Variants in SPECC1 observed in about 807,000 individuals in gnomAD.
SPECC1 encodes sperm antigen with calponin homology and coiled-coil domains 1, also known as cytospin-B.
A neutral mutation model predicts 104.1 loss-of-function variants in SPECC1; 62 were observed. The observed-to-expected ratio is 0.60, with a 90% CI of 0.49 to 0.74. The LOEUF (loss-of-function observed/expected upper bound fraction) is 0.74. Ranked by LOEUF, SPECC1 falls within the 30% of genes least tolerant of loss-of-function variation. The pLI is 0.00. For missense variants in SPECC1, 1,306 were observed against 1,310.5 expected, an observed-to-expected ratio of 1.00 and a Z score of 0.05; for synonymous variants, 513 against 501.6, an observed-to-expected ratio of 1.02 and a Z score of -0.30.
At chr17:20,176,534 A>G (rs1399152414) in intron 3 of SPECC1, among the ~76,000 whole-genome samples, 1 of 152,180 alleles carries the variant, frequency 6.6e-6, no homozygotes, top group Non-Finnish European at 1.5e-5. Flanking sequence ...TTCAAAAACA[A>G]TGCAGAATTA....
chr17:20,038,558 C>G (rs1222359497), intron 1 of SPECC1, among the ~76,000 whole-genome samples: 1 of 152,014 alleles, frequency 6.6e-6, no homozygotes, highest in Non-Finnish European at 1.5e-5. Flanking sequence ...CGCCACTGCG[C>G]TTGGCTACTT....
intron 3 of SPECC1, among the ~76,000 whole-genome samples, chr17:20,143,650 A>G (rs532639000): frequency 2.1e-4 from 32 of 152,136 alleles, no homozygotes; most frequent in African/African-American, 7.2e-4. Flanking sequence ...CCTGTGCAAC[A>G]GAGGTAAGAC....
Position 20,241,540 on chromosome 17 carries a change from T to G in SPECC1, c.2352-4386T>G, listed in dbSNP as rs1009724519. ...AGGGAAAGCCCTTGGTATTGTATTT[T>G]CATTCCCCCGACCGTGTACTCTCTA... On this transcript the variant is annotated intron_variant, in intron 7 of 14. Transcript: ENST00000395527. Among the ~76,000 whole-genome samples the G allele has an allele frequency of 1.2e-4, 19 of 152,162 alleles. 1 individual carries two copies. Among genetic ancestry groups the G allele is most frequent in the Non-Finnish European group, 4.4e-5 (3 of 68,024 alleles).
At chr17:20,109,374 C>T (rs908658487) in intron 2 of SPECC1, among the ~76,000 whole-genome samples, 2 of 152,166 alleles carry the variant, frequency 1.3e-5, no homozygotes, top group African/African-American at 2.4e-5. Context: ...TCCAGTCTTC[C>T]GGCACTGTTC....
At chr17:20,265,404 T>G (rs1395528425) in intron 12 of SPECC1, among the ~76,000 whole-genome samples, 1 of 152,228 alleles carries the variant, frequency 6.6e-6, no homozygotes, top group East Asian at 1.9e-4. Flanking sequence ...TATATATGTC[T>G]TCTTTTGAGA....
intron 3 of SPECC1, among the ~76,000 whole-genome samples, chr17:20,173,928 GT>G (rs11298381): frequency 0.75 from 109,671 of 146,506 alleles, 41,766 homozygotes; most frequent in East Asian, 0.98. Flanking sequence ...AGTTTTTGGT[GT>G]TTTTTTTTTT....
In SPECC1 at chr17:20,065,208, A is replaced by G. The variant is rs913125834; in HGVS notation, c.-21-31423A>G. Among the ~76,000 whole-genome samples, 8 of 152,188 alleles carry G rather than the reference A, an allele frequency of 5.3e-5. No homozygotes were observed. The East Asian group carries it at 1.5e-3, about 29-fold the overall frequency. ...TGACCAAATGTATGGGGGTTTCTCTATAGAAGTAGTGGACACCAGCTAGGT... is the reference window on the plus strand; with the variant it reads ...TGACCAAATGTATGGGGGTTTCTCTGTAGAAGTAGTGGACACCAGCTAGGT... On this transcript the variant is annotated intron_variant, in intron 1 of 14. Transcript: ENST00000395527.
chr17:20,280,672 C>T (rs1244439830), intron 12 of SPECC1, among the ~76,000 whole-genome samples: 2 of 152,172 alleles, frequency 1.3e-5, no homozygotes, highest in South Asian at 2.1e-4. Flanking sequence ...TTAAAAGATT[C>T]CTAATGTGAC....
intron 2 of SPECC1, among the ~76,000 whole-genome samples, chr17:20,106,883 G>A (rs1018974285): frequency 4.6e-5 from 7 of 152,070 alleles, no homozygotes; most frequent in African/African-American, 1.4e-4. Context: ...TGGGCCAGGC[G>A]TGGTGGCCCA....
intron 1 of SPECC1, among the ~76,000 whole-genome samples, chr17:20,084,303 C>T (rs1042864731): frequency 1.8e-4 from 28 of 152,098 alleles, no homozygotes; most frequent in Admixed American, 1.3e-4. Context: ...GTGGAGGGCA[C>T]TTGTAATTCC....
rs1419548103 is a variant in SPECC1, at chr17:20,080,475, GC to G, written c.-21-16155del. On this transcript the variant is annotated intron_variant, in intron 1 of 14. Transcript: ENST00000395527. ...CAGACTGCGGGAGCCACATCTGGTT[GC>G]TACAGTAACGGGCCTCCTTATAACG... 2.0e-5 allele frequency among the ~76,000 whole-genome samples: 3 copies of G among 152,144 alleles called. 1 individual carries two copies. The highest frequency in any genetic ancestry group is 4.4e-5 in the Non-Finnish European group (3 of 68,022).
intron 13 of SPECC1, among the ~76,000 whole-genome samples, chr17:20,300,396 T>G (rs1056874905): frequency 1.3e-5 from 2 of 152,326 alleles, no homozygotes; most frequent in East Asian, 1.9e-4. Context: ...GTTGGAGAGA[T>G]AACTGAGGAA....
intron 1 of SPECC1, among the ~76,000 whole-genome samples, chr17:20,080,570 C>T (rs988085432): frequency 1.3e-5 from 2 of 151,868 alleles, no homozygotes; most frequent in Non-Finnish European, 2.9e-5. Context: ...ACCTTGCTGC[C>T]TCTTGGGGAA....
intron 3 of SPECC1, among the ~76,000 whole-genome samples, chr17:20,177,606 A>G (rs1205543636): frequency 6.6e-6 from 1 of 152,198 alleles, no homozygotes; most frequent in African/African-American, 2.4e-5. Flanking sequence ...CATGTAATTA[A>G]ATACTCTCAA....
intron 1 of SPECC1, among the ~76,000 whole-genome samples, chr17:20,024,232 C>T (rs753173120): frequency 6.6e-6 from 1 of 152,192 alleles, no homozygotes; most frequent in African/African-American, 2.4e-5. Context: ...CGTTTTCATG[C>T]ATTGTGCCTT....
chr17:20,091,817 T>A (rs2047414741), intron 1 of SPECC1, among the ~76,000 whole-genome samples: 1 of 152,160 alleles, frequency 6.6e-6, no homozygotes, highest in Admixed American at 6.5e-5. Flanking sequence ...CCTCTCCCAC[T>A]CCTGGAGACT....
At chr17:20,100,630 A>T (rs1032138962) in intron 2 of SPECC1, among the ~76,000 whole-genome samples, 2 of 152,180 alleles carry the variant, frequency 1.3e-5, no homozygotes, top group African/African-American at 4.8e-5. Context: ...TTCTTTTTTT[A>T]AATTTTAATT....
chr17:20,156,057 T>A, intron 3 of SPECC1: 1 of 1,292,718 alleles, frequency 7.7e-7, no homozygotes, highest in Non-Finnish European at 9.8e-7. Context: ...TGCTGGGAAC[T>A]GGAAGGCGCC....
chr17:20,069,935 A>G (rs1210735212), intron 1 of SPECC1, among the ~76,000 whole-genome samples: 1 of 152,182 alleles, frequency 6.6e-6, no homozygotes, highest in Non-Finnish European at 1.5e-5. Context: ...GTATATAGCA[A>G]TACAATTGAT....
Sources: gnomAD v4.1 joint callset for allele counts (sites outside exome capture counted in the v4.1 genomes callset) on GRCh38, gnomAD v4.1.1 for gene constraint, MANE v1.5 for transcripts, NCBI Gene and HGNC (gene_info 2026-07-23, HGNC 2026-07-21) for gene names.